Variants in REPS2 observed in about 807,000 individuals in gnomAD.
REPS2 encodes the protein RALBP1 associated Eps domain containing 2.
REPS2 carries 23 observed loss-of-function variants against 53.6 expected under a neutral mutation model. The observed-to-expected ratio is 0.43, with a 90% CI of 0.31 to 0.61. The LOEUF (loss-of-function observed/expected upper bound fraction) is 0.61, where lower values mean the gene tolerates loss of function less well. Ranked by LOEUF, REPS2 falls within the 20% of genes least tolerant of loss-of-function variation. REPS2 has a pLI of 0.11. For synonymous variants in REPS2, 238 were observed against 218.6 expected (o/e 1.09, Z -0.78); for missense variants, 446 against 534.9 (o/e 0.83, Z 1.64).
chrX:17,117,324 G>T (rs932259117), intron 14 of REPS2, among the ~76,000 whole-genome samples: 5 of 111,233 alleles, frequency 4.5e-5, no homozygotes, highest in Admixed American at 9.5e-5. Flanking sequence ...TGCACAACGT[G>T]CAGGTTTGTT....
chrX:16,980,110 GTT>G (rs756175925), intron 1 of REPS2, among the ~76,000 whole-genome samples: 2 of 95,010 alleles, frequency 2.1e-5, no homozygotes, highest in Non-Finnish European at 4.3e-5. Flanking sequence ...ATTATCACCA[GTT>G]TTTTTTTTTT....
chrX:17,107,307 A>G (rs1276288726), intron 14 of REPS2, among the ~76,000 whole-genome samples: 1 of 112,374 alleles, frequency 8.9e-6, no homozygotes, highest in African/African-American at 3.2e-5. Flanking sequence ...ATTCTGTTTC[A>G]GACCAGCTTG....
At chrX:16,973,829 A>G (rs930728724) in intron 1 of REPS2, among the ~76,000 whole-genome samples, 2 of 110,633 alleles carry the variant, frequency 1.8e-5, no homozygotes, top group Non-Finnish European at 3.8e-5. Context: ...ATTGATTGCC[A>G]TATACTAAAT....
chrX:17,154,124 G>T (rs992762616), downstream of REPS2, among the ~76,000 whole-genome samples: 1 of 111,604 alleles, frequency 9.0e-6, no homozygotes, highest in Non-Finnish European at 1.9e-5. Context: ...GCTGATGTAC[G>T]CTAAAGCTGG....
chrX:17,074,792 A>G (rs1481321620), intron 12 of REPS2, among the ~76,000 whole-genome samples: 1 of 111,941 alleles, frequency 8.9e-6, no homozygotes. Flanking sequence ...AGGAAGGGAA[A>G]TGGTATTGGT....
At chrX:17,012,483 C>T (rs1336698889) in intron 2 of REPS2, among the ~76,000 whole-genome samples, 2 of 111,818 alleles carry the variant, frequency 1.8e-5, no homozygotes, top group African/African-American at 3.3e-5. Context: ...GGCTTGTTGC[C>T]TACATTCATA....
the REPS2 span, among the ~76,000 whole-genome samples, chrX:17,167,901 A>G: frequency 7.2e-5 from 8 of 111,117 alleles, no homozygotes; most frequent in South Asian, 2.7e-3. Context: ...TAAAAACTGT[A>G]TGATGGGTGC....
Position 16,947,093 on chromosome X carries a change from C to T in REPS2, c.232C>T (p.Leu78=), listed in dbSNP as rs2060445044. The T allele has an allele frequency of 1.8e-6, 2 of 1,098,712 alleles. No individual in the cohort carries two copies. The highest frequency in any genetic ancestry group is 2.4e-6 in the Non-Finnish European group (2 of 845,730). 90.5% of individuals were successfully genotyped at this position (1,098,712 alleles called of 1,213,427 possible). A position where few individuals can be genotyped will look rare whatever the true frequency, so the allele number is the denominator to read the frequency against. ...TGCGGCCGCCGGCCCCGTGGCTGAC[C>T]TGTTTCGGGCATCGCAGCTGCCCGC... The part of the protein sequence containing the change: ...ATAAAGPVAD[L]FRASQLPAET... The change falls in exon 1 of 18, where the codon CTG becomes TTG. Residue 78 remains leucine, a synonymous_variant. Transcript: ENST00000357277.
chrX:16,999,392 T>G (rs1262131396), intron 1 of REPS2, among the ~76,000 whole-genome samples: 2 of 103,196 alleles, frequency 1.9e-5, no homozygotes, highest in Non-Finnish European at 3.9e-5. Flanking sequence ...TTTTTTTTTT[T>G]GCACAGAGTC....
chrX:17,117,917 C>T (rs1251739613), intron 14 of REPS2, among the ~76,000 whole-genome samples: 1 of 106,586 alleles, frequency 9.4e-6, no homozygotes, highest in Non-Finnish European at 1.9e-5. Context: ...CCTATTTCTC[C>T]ACATCCTCTC....
intron 11 of REPS2, among the ~76,000 whole-genome samples, chrX:17,073,685 T>A (rs780348335): frequency 1.8e-4 from 20 of 108,725 alleles, no homozygotes; most frequent in South Asian, 8.2e-4. Flanking sequence ...TTTTTTTTTT[T>A]AAAACGTGTA....
At chrX:17,001,574 A>T (rs1195972099) in intron 1 of REPS2, among the ~76,000 whole-genome samples, 2 of 112,580 alleles carry the variant, frequency 1.8e-5, no homozygotes, top group Non-Finnish European at 3.7e-5. Context: ...ATAAAAATGC[A>T]GTGCATGAAC....
intron 2 of REPS2, among the ~76,000 whole-genome samples, chrX:17,012,720 A>T (rs2061444824): frequency 9.0e-6 from 1 of 111,561 alleles, no homozygotes; most frequent in African/African-American, 3.3e-5. Flanking sequence ...TTAGGACAAA[A>T]GGATGAGTTA....
At chrX:16,968,394 C>T (rs1602539122) in intron 1 of REPS2, among the ~76,000 whole-genome samples, 1 of 112,335 alleles carries the variant, frequency 8.9e-6, no homozygotes, top group East Asian at 2.8e-4. Context: ...GGCAGAGGGG[C>T]TCCTCACTTC....
chrX:16,964,225 C>A (rs367636458), intron 1 of REPS2, among the ~76,000 whole-genome samples: 45 of 108,241 alleles, frequency 4.2e-4, no homozygotes, highest in Non-Finnish European at 7.7e-4. Context: ...GGGAGTGGTG[C>A]TGACTCTTAA....
At position 16,949,752 on chromosome X, in the gene REPS2, T is replaced by C. The variant is rs748487270; in HGVS notation, c.273+2618T>C. ...ACTATTTTTTTTTTTCAGAGCAGTTTTAGGTTCACAGCAAAATTTAGCAGA... is the reference window on the plus strand; with the variant it reads ...ACTATTTTTTTTTTTCAGAGCAGTTCTAGGTTCACAGCAAAATTTAGCAGA... On this transcript the variant is annotated intron_variant, in intron 1 of 17. Transcript: ENST00000357277. Among the ~76,000 whole-genome samples the C allele has an allele frequency of 1.4e-4, 16 of 111,425 alleles. No homozygotes were observed. In the East Asian group the frequency reaches 3.6e-3, roughly 25 times the overall value.
At chrX:17,078,091 T>A (rs1254536317) in intron 13 of REPS2, among the ~76,000 whole-genome samples, 1 of 112,276 alleles carries the variant, frequency 8.9e-6, no homozygotes, top group African/African-American at 3.2e-5. Flanking sequence ...ACCTAAGGAA[T>A]AGAAGATGGG....
chrX:17,114,001 A>G (rs1395648628), intron 14 of REPS2, among the ~76,000 whole-genome samples: 1 of 112,428 alleles, frequency 8.9e-6, no homozygotes, highest in Non-Finnish European at 1.9e-5. Flanking sequence ...AATATTAGGC[A>G]TCTATTAAAA....
At chrX:17,102,109 G>C (rs774165053) in intron 13 of REPS2, among the ~76,000 whole-genome samples, 1 of 109,701 alleles carries the variant, frequency 9.1e-6, no homozygotes, top group South Asian at 3.9e-4. Context: ...ATGAGACAGG[G>C]TCTCACTCTG....
Sources: allele counts gnomAD v4.1 joint callset (sites outside exome capture counted in the v4.1 genomes callset), GRCh38; gene constraint gnomAD v4.1.1; transcripts MANE v1.5; gene names NCBI Gene and HGNC (gene_info 2026-07-23, HGNC 2026-07-21).